DNAH17: variants seen among roughly 807,000 people sequenced by gnomAD.
DNAH17 encodes dynein axonemal heavy chain 17.
A neutral mutation model predicts 485.6 loss-of-function variants in DNAH17; 376 were observed. The ratio of observed to expected loss-of-function variants is 0.77; its 90% CI spans 0.71 to 0.84. The LOEUF (loss-of-function observed/expected upper bound fraction) is 0.84, where lower values mean the gene tolerates loss of function less well. DNAH17 is among the 40% of genes least tolerant of loss of function. The pLI is 0.00. For synonymous variants in DNAH17, 3,031 were observed against 2,405.9 expected (o/e 1.26, Z -7.60); for missense variants, 6,370 against 5,839.3 (o/e 1.09, Z -2.96).
chr17:78,440,544 C>T (rs2146457092), intron 72 of DNAH17, among the ~76,000 whole-genome samples: 1 of 152,148 alleles, frequency 6.6e-6, no homozygotes, highest in East Asian at 1.9e-4. Flanking sequence ...CAGGTGTGAG[C>T]TACCGCCCCC....
At chr17:78,433,664 C>T (rs889780471) in intron 75 of DNAH17, among the ~76,000 whole-genome samples, 3 of 152,138 alleles carry the variant, frequency 2.0e-5, no homozygotes, top group African/African-American at 7.2e-5. Flanking sequence ...TGAGTCCCAG[C>T]TCACACCCTG....
intron 76 of DNAH17, among the ~76,000 whole-genome samples, 165 bp from the exon 77 acceptor site, chr17:78,428,872 C>T (rs550420933): frequency 9.9e-4 from 142 of 143,084 alleles, no homozygotes; most frequent in African/African-American, 3.6e-3. Flanking sequence ...GTGCTCCCAG[C>T]GACATAAAGG....
At chr17:78,503,679 C>A (rs1192023935) in intron 31 of DNAH17, among the ~76,000 whole-genome samples, 1 of 150,984 alleles carries the variant, frequency 6.6e-6, no homozygotes, top group African/African-American at 2.4e-5. Context: ...AAAAATGTGG[C>A]TGGGGTCCAG....
chr17:78,532,862 C>T (rs2091278570), intron 19 of DNAH17, 126 bp from the exon 20 acceptor site: 2 of 1,163,796 alleles, frequency 1.7e-6, no homozygotes, highest in Admixed American at 2.8e-5. Context: ...CTCATGATGA[C>T]CTGCTCTTTT....
intron 69 of DNAH17, 113 bp from the exon 70 acceptor site, chr17:78,445,793 C>T (rs2087262293): frequency 8.5e-7 from 1 of 1,178,308 alleles, no homozygotes; most frequent in Non-Finnish European, 1.2e-6. Context: ...CAGGGGGCGC[C>T]CTGTCCTGCC....
At chr17:78,503,071 AT>A in intron 31 of DNAH17, 60 bp from the exon 32 acceptor site, 1 of 1,527,218 alleles carries the variant, frequency 6.5e-7, no homozygotes, top group Admixed American at 2.2e-5. Flanking sequence ...AGTTCCAATA[AT>A]TTTGTTTGTA....
intron 2 of DNAH17, among the ~76,000 whole-genome samples, chr17:78,574,090 T>C (rs1432673108): frequency 3.3e-5 from 5 of 152,162 alleles, no homozygotes; most frequent in African/African-American, 4.8e-5. Flanking sequence ...GCAGCAACCG[T>C]ACCCGGCACA....
At chr17:78,513,888 C>T (rs1472762068) in intron 26 of DNAH17, among the ~76,000 whole-genome samples, 2 of 152,186 alleles carry the variant, frequency 1.3e-5, no homozygotes, top group Non-Finnish European at 2.9e-5. Flanking sequence ...GCCATGTCTC[C>T]TGTCTCTCTG....
At chr17:78,526,195 G>C (rs1299770939) in intron 24 of DNAH17, among the ~76,000 whole-genome samples, 3 of 152,244 alleles carry the variant, frequency 2.0e-5, no homozygotes, top group Non-Finnish European at 4.4e-5. Context: ...TGGGAACAGA[G>C]TGGGAACACG....
chr17:78,445,618 A>C lies in DNAH17; in HGVS notation c.11274T>G (p.Phe3758Leu), dbSNP rs2087251714. The part of the protein sequence containing the change: ...VELDFLLRFP[F>L]KAGVVSPVDF... ...CCACTGGTGAGACCACTCCGGCCTT[A>C]AAAGGGAACCGCAGGAGGAAATCCA... The change falls in exon 70 of 81, where the codon TTT becomes TTG. Residue 3758 changes from phenylalanine to leucine, a missense_variant. By Grantham distance (22) the Phe-to-Leu change is conservative. Coordinates refer to ENST00000389840, the MANE Select transcript of DNAH17 (RefSeq NM_173628.4). The C allele has an allele frequency of 2.6e-6, 4 of 1,568,124 alleles. No homozygotes were observed. In the East Asian group the frequency reaches 9.5e-5, roughly 37 times the overall value.
chr17:78,559,332 A>C (rs2143634055), intron 13 of DNAH17, among the ~76,000 whole-genome samples: 1 of 152,346 alleles, frequency 6.6e-6, no homozygotes, highest in East Asian at 1.9e-4. Flanking sequence ...AAAGCACAGC[A>C]GCCCATCCTC....
At chr17:78,445,788 G>GGAGTGT in intron 69 of DNAH17, 108 bp from the exon 70 acceptor site, 1 of 1,300,018 alleles carries the variant, frequency 7.7e-7, no homozygotes, top group Non-Finnish European at 1.1e-6. Context: ...GCCTGCAGGG[G>GGAGTGT]GCGCCCTGTC....
At chr17:78,554,468 A>AAAAAAAAAAAAAC (rs2091977226) in intron 14 of DNAH17, among the ~76,000 whole-genome samples, 2 of 119,588 alleles carry the variant, frequency 1.7e-5, no homozygotes, top group African/African-American at 3.4e-5. Context: ...AAAAAAAAAA[A>AAAAAAAAAAAAAC]AAAGGATAGG....
intron 18 of DNAH17, among the ~76,000 whole-genome samples, chr17:78,538,981 C>G (rs1279872204): frequency 1.3e-5 from 2 of 152,116 alleles, no homozygotes; most frequent in East Asian, 3.9e-4. Flanking sequence ...GCCTGTAATC[C>G]CAGCACTTTG....
intron 7 of DNAH17, 43 bp downstream of exon 7, chr17:78,570,204 C>A: frequency 1.3e-6 from 2 of 1,539,348 alleles, no homozygotes; most frequent in Non-Finnish European, 1.8e-6. Flanking sequence ...GGGGACCCAG[C>A]CAGGAGGGGA....
chr17:78,565,530 C>T (rs2092249460), intron 11 of DNAH17, among the ~76,000 whole-genome samples: 1 of 152,208 alleles, frequency 6.6e-6, no homozygotes, highest in Non-Finnish European at 1.5e-5. Context: ...CCCAGGCTGC[C>T]CAGGCCAACC....
chr17:78,460,371 T>C (rs961758706), intron 58 of DNAH17, 114 bp from the exon 59 acceptor site: 17 of 892,054 alleles, frequency 1.9e-5, no homozygotes, highest in Non-Finnish European at 2.9e-5. Flanking sequence ...TGCACGTGCA[T>C]GAGTGTATGT....
intron 25 of DNAH17, among the ~76,000 whole-genome samples, chr17:78,521,245 A>G (rs1568191054): frequency 6.6e-6 from 1 of 152,228 alleles, no homozygotes; most frequent in East Asian, 1.9e-4. Flanking sequence ...ATCTCTACTG[A>G]AAATACAAAA....
intron 26 of DNAH17, 83 bp downstream of exon 26, chr17:78,514,691 G>A: frequency 6.6e-7 from 1 of 1,518,040 alleles, no homozygotes; most frequent in Non-Finnish European, 8.8e-7. Context: ...TGAACACCTT[G>A]GCTAGGCAGC....
Sources: gnomAD v4.1 joint callset for allele counts (sites outside exome capture counted in the v4.1 genomes callset) on GRCh38, gnomAD v4.1.1 for gene constraint, MANE v1.5 for transcripts, NCBI Gene and HGNC (gene_info 2026-07-23, HGNC 2026-07-21) for gene names.